The following CERK variants were observed in gnomAD, a reference collection of about 807,000 sequenced individuals.
CERK encodes ceramide kinase.
A neutral mutation model predicts 63.4 loss-of-function variants in CERK; 39 were observed. The observed-to-expected ratio is 0.61, with a 90% CI of 0.48 to 0.80. The LOEUF (loss-of-function observed/expected upper bound fraction) is 0.80. Ranked by LOEUF, CERK falls within the 30% of genes least tolerant of loss-of-function variation. The pLI, the probability that CERK is intolerant of heterozygous loss-of-function variation, is 0.00. For synonymous variants in CERK, 302 were observed against 280.0 expected (o/e 1.08, Z -0.78); for missense variants, 670 against 714.1 (o/e 0.94, Z 0.70).
chr22:46,716,030 T>A (rs1242697505), intron 3 of CERK, among the ~76,000 whole-genome samples: 1 of 151,008 alleles, frequency 6.6e-6, no homozygotes, highest in Admixed American at 6.6e-5. Flanking sequence ...TATGAAAAAA[T>A]TTTCAAAAAA....
At position 46,691,881 on chromosome 22, in the gene CERK, T is replaced by A. The variant is rs113032930; in HGVS notation, c.1127-104A>T. The A allele has an allele frequency of 2.7e-4, 210 of 769,660 alleles. 1 individual carries two copies. Among genetic ancestry groups the A allele is most frequent in the African/African-American group, 2.7e-3 (151 of 56,928 alleles). 47.7% of individuals were successfully genotyped at this position (769,660 alleles called of 1,614,324 possible). On this transcript the variant is annotated intron_variant, in intron 10 of 12. Coordinates refer to ENST00000216264, the MANE Select transcript of CERK (RefSeq NM_022766.6). ...ATTCGGGCTCTCACCTGCTCATGCA[T>A]TTAGCAGACACTTCATGCAATCGAC...
At chr22:46,720,649 C>T (rs1601725406) in intron 2 of CERK, among the ~76,000 whole-genome samples, 3 of 152,058 alleles carry the variant, frequency 2.0e-5, no homozygotes, top group South Asian at 2.1e-4. Context: ...TAGCCGAGAC[C>T]GCGCCACTGC....
In CERK at chr22:46,687,250, C is replaced by G. The variant is rs749430372; in HGVS notation, c.1542-44G>C. On this transcript the variant is annotated intron_variant, in intron 12 of 12. Coordinates refer to ENST00000216264, the MANE Select transcript of CERK (RefSeq NM_022766.6). Reference sequence around the variant, plus strand: ...ACGTGTAAACCCCACGTGTCCCTCACTCAAAGCTGGCCTGAGCCCCACTCC... The same window carrying G: ...ACGTGTAAACCCCACGTGTCCCTCAGTCAAAGCTGGCCTGAGCCCCACTCC... The G allele has an allele frequency of 7.1e-6, 11 of 1,552,968 alleles. No individual in the cohort carries two copies. The East Asian group carries it at 2.5e-4, about 35-fold the overall frequency.
Position 46,686,828 on chromosome 22 carries a change from A to G in CERK, c.*306T>C, listed in dbSNP as rs151066753. Reference sequence around the variant, plus strand: ...TCCCTAACATTATTGCAATAGAGCCACTAACGGGCCATTTTCTAAACTACA... The same window carrying G: ...TCCCTAACATTATTGCAATAGAGCCGCTAACGGGCCATTTTCTAAACTACA... On this transcript the variant is annotated 3_prime_UTR_variant, in exon 13 of 13. Transcript: ENST00000216264. 6.7e-4 allele frequency: 223 copies of G among 334,294 alleles called. 1 individual carries two copies. The highest frequency in any genetic ancestry group is 4.4e-3 in the African/African-American group (209 of 48,012). 20.7% of individuals were successfully genotyped at this position (334,294 alleles called of 1,614,324 possible).
In CERK at chr22:46,720,043, G is replaced by A. The variant is rs1330105543; in HGVS notation, c.379+43C>T. On this transcript the variant is annotated intron_variant, in intron 3 of 12. Transcript: ENST00000216264. ...AGATCACCCAATCAGGCATGCGCATGCCACCACGGCCATCCTGTCTCTCAG... is the reference window on the plus strand; with the variant it reads ...AGATCACCCAATCAGGCATGCGCATACCACCACGGCCATCCTGTCTCTCAG... 3 of 1,599,182 alleles carry A rather than the reference G, an allele frequency of 1.9e-6. No individual in the cohort carries two copies. In the Admixed American group the frequency reaches 5.1e-5, roughly 27 times the overall value.
rs1223821684 is a variant in CERK, at chr22:46,693,467, C to A, written c.1086G>T (p.Glu362Asp). The change falls in exon 10 of 13, where the codon GAG becomes GAT. Residue 362 changes from glutamate to aspartate, a missense_variant. Coordinates refer to ENST00000216264, the MANE Select transcript of CERK (RefSeq NM_022766.6). ...FVCRQSKQQLEEEQKKALYGL... is the reference protein window; with the variant it reads ...FVCRQSKQQLDEEQKKALYGL... ...CATACAGTGCTTTCTTCTGCTCCTC[C>A]TCCAGCTGCTGCTTGCTTTGCCTGC... is the stretch of plus-strand genomic sequence containing the variant. 17 of 1,614,168 alleles carry A rather than the reference C, an allele frequency of 1.1e-5. No individual in the cohort carries two copies. Among genetic ancestry groups the A allele is most frequent in the Non-Finnish European group, 1.4e-5 (16 of 1,180,028 alleles).
At chr22:46,698,900 C>CA (rs1190008704) in intron 8 of CERK, among the ~76,000 whole-genome samples, 1 of 151,972 alleles carries the variant, frequency 6.6e-6, no homozygotes, top group Non-Finnish European at 1.5e-5. Flanking sequence ...GACTGTGTCT[C>CA]AAAAAAATTT....
At position 46,691,681 on chromosome 22, in the gene CERK, G is replaced by T. The variant is rs1216914813; in HGVS notation, c.1223C>A (p.Ser408Tyr). The T allele has an allele frequency of 1.2e-6, 2 of 1,613,884 alleles. No homozygotes were observed. Among genetic ancestry groups the T allele is most frequent in the Non-Finnish European group, 1.7e-6 (2 of 1,180,008 alleles). The change falls in exon 11 of 13, where the codon TCC (serine) becomes TAC (tyrosine). Residue 408 changes from serine to tyrosine, a missense_variant. Coordinates refer to ENST00000216264, the MANE Select transcript of CERK (RefSeq NM_022766.6). ...CACRRSPRGL[S>Y]PAAHLGDGSS... ...CCCGTCTCCCAAGTGGGCAGCCGGG[G>T]AGAGGCCCCTGGGGCTCCGGCGACA... is the stretch of plus-strand genomic sequence containing the variant.
At chr22:46,697,574 C>T (rs937698745) in intron 8 of CERK, among the ~76,000 whole-genome samples, 12 of 152,172 alleles carry the variant, frequency 7.9e-5, no homozygotes, top group African/African-American at 2.7e-4. Context: ...GGCACGATCT[C>T]AGCTCACTGC....
intron 6 of CERK, among the ~76,000 whole-genome samples, chr22:46,703,188 A>G (rs2082796109): frequency 6.6e-6 from 1 of 152,170 alleles, no homozygotes; most frequent in South Asian, 2.1e-4. Context: ...ACTAATACAT[A>G]TGTGGAAGAG....
chr22:46,695,781 C>T (rs995884828), intron 8 of CERK, among the ~76,000 whole-genome samples: 1 of 152,238 alleles, frequency 6.6e-6, no homozygotes, highest in Non-Finnish European at 1.5e-5. Context: ...AGGACAGAGG[C>T]CAGGGCCGCT....
intron 8 of CERK, among the ~76,000 whole-genome samples, chr22:46,697,294 CTTCT>C (rs1385624768): frequency 1.3e-5 from 2 of 151,980 alleles, no homozygotes; most frequent in Non-Finnish European, 2.9e-5. Context: ...TACATATTTT[CTTCT>C]TTCTTTCTTT....
intron 8 of CERK, among the ~76,000 whole-genome samples, chr22:46,698,138 G>A (rs1471389564): frequency 6.6e-6 from 1 of 152,262 alleles, no homozygotes; most frequent in African/African-American, 2.4e-5. Context: ...CTGGGCTCAA[G>A]AAAGAGTGAG....
At chr22:46,716,206 T>C (rs1268701069) in intron 3 of CERK, among the ~76,000 whole-genome samples, 2 of 151,198 alleles carry the variant, frequency 1.3e-5, no homozygotes, top group African/African-American at 4.9e-5. Flanking sequence ...TTTTTTTTTT[T>C]TAAAGATGGA....
chr22:46,707,918 T>G lies in CERK; in HGVS notation c.640A>C (p.Ser214Arg). The stretch of plus-strand genomic sequence containing the variant: ...GGGTGGTTCTGGTCGACCCCGGCGC[T>G]CCTCTGCGTCCTCCCAATCAGACCG... The part of the protein sequence containing the change: ...LHGLIGRTQR[S>R]AGVDQNHPRA... The change falls in exon 6 of 13, where the codon AGC (serine) becomes CGC (arginine). Residue 214 changes from serine to arginine, a missense_variant. Transcript: ENST00000216264. The G allele has an allele frequency of 6.2e-7, 1 of 1,613,870 alleles. No individual in the cohort carries two copies. Among genetic ancestry groups the G allele is most frequent in the Non-Finnish European group, 8.5e-7 (1 of 1,179,964 alleles).
Position 46,707,943 on chromosome 22 carries a change from G to A in CERK, c.615C>T (p.His205=), listed in dbSNP as rs192195512. Reference sequence around the variant, plus strand: ...TCCTCTGCGTCCTCCCAATCAGACCGTGCAGCACCTCGCTGAACATACCAT... The same window carrying A: ...TCCTCTGCGTCCTCCCAATCAGACCATGCAGCACCTCGCTGAACATACCAT... ...GGDGMFSEVL[H]GLIGRTQRSA... Residue 205 remains histidine, a synonymous_variant, in exon 6 of 13, where the codon CAC becomes CAT. Coordinates refer to ENST00000216264, the MANE Select transcript of CERK (RefSeq NM_022766.6). 244 of 1,613,694 alleles carry A rather than the reference G, an allele frequency of 1.5e-4. No homozygotes were observed. The East Asian group carries it at 3.5e-3, about 23-fold the overall frequency.
intron 1 of CERK, among the ~76,000 whole-genome samples, chr22:46,724,818 G>A (rs565085681): frequency 1.3e-5 from 2 of 152,082 alleles, no homozygotes; most frequent in Non-Finnish European, 2.9e-5. Context: ...AGGAGATCGA[G>A]ACCACCCTGG....
chr22:46,722,939 C>T (rs887946866), intron 1 of CERK, among the ~76,000 whole-genome samples: 22 of 152,266 alleles, frequency 1.4e-4, no homozygotes, highest in African/African-American at 5.1e-4. Flanking sequence ...GACGTAGGGG[C>T]AGGAGCTGGG....
At chr22:46,688,412 C>T (rs2082714039) in intron 12 of CERK, among the ~76,000 whole-genome samples, 1 of 152,238 alleles carries the variant, frequency 6.6e-6, no homozygotes, top group Non-Finnish European at 1.5e-5. Context: ...ACTTCCCAAA[C>T]TTGTCAAATG....
Sources: gnomAD v4.1 joint callset for allele counts (sites outside exome capture counted in the v4.1 genomes callset) on GRCh38, gnomAD v4.1.1 for gene constraint, MANE v1.5 for transcripts, NCBI Gene and HGNC (gene_info 2026-07-23, HGNC 2026-07-21) for gene names.